NPAS3: variants seen among roughly 807,000 people sequenced by gnomAD.
The protein encoded by NPAS3 is neuronal PAS domain protein 3, also known as neuronal PAS domain-containing protein 3.
NPAS3 carries 14 observed loss-of-function variants against 73.1 expected under a neutral mutation model. The ratio of observed to expected loss-of-function variants is 0.19; its 90% confidence interval spans 0.13 to 0.30. NPAS3 has a LOEUF of 0.30. Among genes scored for constraint, NPAS3 ranks in the 10% least tolerant of loss-of-function variants. The probability of loss-of-function intolerance (pLI) is 1.00; values close to 1 mark genes in which losing one functional copy is unlikely to be tolerated. For synonymous variants in NPAS3, 620 were observed against 541.5 expected (o/e 1.14, Z -2.01); for missense variants, 1,096 against 1,250.0 (o/e 0.88, Z 1.86).
chr14:33,703,565 C>T (rs2060579131), intron 6 of NPAS3, among the ~76,000 whole-genome samples: 1 of 149,874 alleles, frequency 6.7e-6, no homozygotes. Context: ...GATCAGGGGA[C>T]TTGCTTTCTA....
intron 2 of NPAS3, among the ~76,000 whole-genome samples, chr14:33,078,443 C>T (rs901293155): frequency 3.9e-5 from 6 of 151,906 alleles, no homozygotes; most frequent in East Asian, 1.9e-4. Flanking sequence ...TGGAGAGGTG[C>T]CTACATCACC....
intron 7 of NPAS3, among the ~76,000 whole-genome samples, chr14:33,745,599 G>C (rs2061768093): frequency 6.6e-6 from 1 of 152,186 alleles, no homozygotes; most frequent in African/African-American, 2.4e-5. Context: ...GAAATTTCAT[G>C]TATAGAGGTG....
chr14:33,742,724 A>G (rs2061686346), intron 7 of NPAS3, among the ~76,000 whole-genome samples: 1 of 152,224 alleles, frequency 6.6e-6, no homozygotes, highest in African/African-American at 2.4e-5. Context: ...GTAACATGCA[A>G]TGATGTTTGA....
At chr14:33,226,250 C>T (rs575666730) in intron 3 of NPAS3, among the ~76,000 whole-genome samples, 22 of 152,278 alleles carry the variant, frequency 1.4e-4, no homozygotes, top group South Asian at 4.1e-4. Flanking sequence ...AAAACATTGT[C>T]TACACAGGAC....
At chr14:33,023,648 G>A (rs2039686151) in intron 1 of NPAS3, among the ~76,000 whole-genome samples, 1 of 152,146 alleles carries the variant, frequency 6.6e-6, no homozygotes, top group Admixed American at 6.5e-5. Flanking sequence ...TTTCATATTA[G>A]ACATTAAAAT....
intron 5 of NPAS3, among the ~76,000 whole-genome samples, chr14:33,600,210 T>G (rs1276106495): frequency 6.6e-6 from 1 of 152,196 alleles, no homozygotes; most frequent in Non-Finnish European, 1.5e-5. Flanking sequence ...AAATATTAAG[T>G]CTTTGAAAAA....
Position 33,237,138 on chromosome 14 carries a change from T to C in NPAS3, c.385+21712T>C, listed in dbSNP as rs186718900. On this transcript the variant is annotated intron_variant, in intron 3 of 11. Coordinates refer to ENST00000356141, the Ensembl canonical transcript of NPAS3. ...ACACAACAGAGCAACCGTGGATACA[T>C]AGGTATGTGTTCATTGAATCTTTAC... 1.8e-3 allele frequency among the ~76,000 whole-genome samples: 270 copies of C among 152,236 alleles called. 1 individual carries two copies. Among genetic ancestry groups the C allele is most frequent in the African/African-American group, 6.2e-3 (256 of 41,558 alleles).
At chr14:33,034,511 T>TGCC in intron 1 of NPAS3, among the ~76,000 whole-genome samples, 1 of 151,466 alleles carries the variant, frequency 6.6e-6, no homozygotes, top group Non-Finnish European at 1.5e-5. Context: ...AGTTAATATA[T>TGCC]ACCATATATT....
chr14:33,436,849 C>T (rs1272956777), intron 4 of NPAS3, among the ~76,000 whole-genome samples: 2 of 152,094 alleles, frequency 1.3e-5, no homozygotes, highest in Non-Finnish European at 2.9e-5. Flanking sequence ...TCTGAGAAAC[C>T]AAGGACATTG....
intron 5 of NPAS3, among the ~76,000 whole-genome samples, chr14:33,663,250 T>C (rs1038899550): frequency 6.6e-6 from 1 of 152,168 alleles, no homozygotes; most frequent in African/African-American, 2.4e-5. Context: ...ATTCCATCAA[T>C]ACCTAGTTCA....
chr14:33,729,001 G>A (rs750101836), intron 6 of NPAS3, among the ~76,000 whole-genome samples: 32 of 152,122 alleles, frequency 2.1e-4, no homozygotes, highest in Non-Finnish European at 1.3e-4. Flanking sequence ...ATTTTGACAC[G>A]TGTAACTGAA....
chr14:33,145,044 T>G (rs986934144), intron 2 of NPAS3, among the ~76,000 whole-genome samples: 1 of 152,230 alleles, frequency 6.6e-6, no homozygotes, highest in Admixed American at 6.5e-5. Flanking sequence ...CATTGAAAAT[T>G]TTGTTCCTCT....
intron 3 of NPAS3, among the ~76,000 whole-genome samples, chr14:33,242,860 A>C (rs186761151): frequency 6.6e-6 from 1 of 152,286 alleles, no homozygotes; most frequent in East Asian, 1.9e-4. Flanking sequence ...ATGAAGTGCT[A>C]TAGCATTAGA....
intron 3 of NPAS3, among the ~76,000 whole-genome samples, chr14:33,274,123 G>A (rs527683165): frequency 7.9e-5 from 12 of 152,290 alleles, no homozygotes; most frequent in African/African-American, 1.9e-4. Context: ...CACAGGAAAC[G>A]CAAGTGTGGT....
At chr14:33,122,495 T>G (rs1446227022) in intron 2 of NPAS3, among the ~76,000 whole-genome samples, 1 of 152,096 alleles carries the variant, frequency 6.6e-6, no homozygotes, top group Non-Finnish European at 1.5e-5. Context: ...TTTTAATTGA[T>G]TGATATTTTG....
At chr14:33,590,030 CA>C (rs934519456) in intron 5 of NPAS3, among the ~76,000 whole-genome samples, 2 of 152,108 alleles carry the variant, frequency 1.3e-5, no homozygotes, top group Non-Finnish European at 2.9e-5. Context: ...CAACAGACCC[CA>C]AAAGACAACA....
intron 3 of NPAS3, among the ~76,000 whole-genome samples, chr14:33,324,886 G>A (rs961208274): frequency 2.0e-5 from 3 of 151,970 alleles, no homozygotes; most frequent in Admixed American, 6.6e-5. Context: ...AATATGTTAC[G>A]TGTCCATGAT....
chr14:33,223,182 G>A (rs1346801746), intron 3 of NPAS3, among the ~76,000 whole-genome samples: 1 of 152,170 alleles, frequency 6.6e-6, no homozygotes, highest in Non-Finnish European at 1.5e-5. Context: ...GTCGTGGCAA[G>A]TGCCTGTAAT....
chr14:33,544,741 C>T (rs1280244827), intron 4 of NPAS3, among the ~76,000 whole-genome samples: 4 of 141,470 alleles, frequency 2.8e-5, no homozygotes, highest in South Asian at 2.3e-4. Context: ...TATGGCAGCC[C>T]GGGCCCACTA....
Sources: gnomAD v4.1 joint callset for allele counts (sites outside exome capture counted in the v4.1 genomes callset) on GRCh38, gnomAD v4.1.1 for gene constraint, MANE v1.5 for transcripts, NCBI Gene and HGNC (gene_info 2026-07-23, HGNC 2026-07-21) for gene names.